The following ARHGAP26 variants were observed in gnomAD, a reference collection of about 807,000 sequenced individuals.
The protein encoded by ARHGAP26 is Rho GTPase activating protein 26.
ARHGAP26 carries 38 observed loss-of-function variants against 104.8 expected under a neutral mutation model. The ratio of observed to expected loss-of-function variants is 0.36; its 90% CI spans 0.28 to 0.48. ARHGAP26 has a LOEUF of 0.48. Ranked by LOEUF, ARHGAP26 falls within the 20% of genes least tolerant of loss-of-function variation. The pLI is 0.99. For missense variants in ARHGAP26, 704 were observed against 947.9 expected, an observed-to-expected ratio of 0.74 and a Z score of 3.38; for synonymous variants, 341 against 340.0, an observed-to-expected ratio of 1.00 and a Z score of -0.03.
chr5:142,881,242 GTCA>G (rs1756957248), intron 4 of ARHGAP26, among the ~76,000 whole-genome samples: 1 of 152,172 alleles, frequency 6.6e-6, no homozygotes, highest in Non-Finnish European at 1.5e-5. Flanking sequence ...TGTTTGTTGA[GTCA>G]TCTTTTCAGT....
intron 11 of ARHGAP26, among the ~76,000 whole-genome samples, chr5:142,977,734 A>G (rs1773329815): frequency 6.6e-6 from 1 of 152,222 alleles, no homozygotes; most frequent in South Asian, 2.1e-4. Context: ...AACATTTCAC[A>G]CTGCCTCCCC....
At chr5:142,987,703 G>A (rs1171069381) in intron 11 of ARHGAP26, among the ~76,000 whole-genome samples, 2 of 152,164 alleles carry the variant, frequency 1.3e-5, no homozygotes, top group East Asian at 3.8e-4. Context: ...TTTTTAGCAT[G>A]AAGAGCTGTT....
At chr5:142,856,814 A>G (rs1752434071) in intron 1 of ARHGAP26, among the ~76,000 whole-genome samples, 1 of 152,226 alleles carries the variant, frequency 6.6e-6, no homozygotes, top group African/African-American at 2.4e-5. Context: ...GCCATTTTAT[A>G]TCAGATACTT....
chr5:142,919,193 C>T, intron 10 of ARHGAP26: 3 of 398,428 alleles, frequency 7.5e-6, no homozygotes, highest in Non-Finnish European at 1.3e-5. Flanking sequence ...GCGATATTAC[C>T]ATTGTCCTTG....
chr5:142,841,060 A>G (rs773224079), intron 1 of ARHGAP26, among the ~76,000 whole-genome samples: 42 of 152,192 alleles, frequency 2.8e-4, no homozygotes, highest in African/African-American at 8.9e-4. Context: ...ATGTCTCACC[A>G]TTTAAGGATA....
intron 1 of ARHGAP26, among the ~76,000 whole-genome samples, chr5:142,872,730 CG>C (rs2152354599): frequency 6.6e-6 from 1 of 152,192 alleles, no homozygotes; most frequent in African/African-American, 2.4e-5. Flanking sequence ...AAAATGTTGC[CG>C]GGGCTTTGTT....
At chr5:142,999,117 C>A (rs1447304558) in intron 11 of ARHGAP26, among the ~76,000 whole-genome samples, 1 of 152,168 alleles carries the variant, frequency 6.6e-6, no homozygotes, top group Non-Finnish European at 1.5e-5. Flanking sequence ...TTCAGGCCCC[C>A]CTTTTGATGC....
At chr5:143,005,909 C>G (rs546979998) in intron 11 of ARHGAP26, among the ~76,000 whole-genome samples, 2 of 152,246 alleles carry the variant, frequency 1.3e-5, no homozygotes, top group South Asian at 2.1e-4. Context: ...TGAGATGCCT[C>G]TGATTGTGTA....
Position 142,770,644 on chromosome 5 carries a change from C to G in ARHGAP26, c.-118C>G, listed in dbSNP as rs1467222026. The G allele has an allele frequency of 2.7e-6, 2 of 738,514 alleles. No homozygotes were observed. Among genetic ancestry groups the G allele is most frequent in the African/African-American group, 1.9e-5 (1 of 52,598 alleles). The allele number at this position is 738,514 out of a possible 1,614,324, so 45.7% of individuals were successfully genotyped here. A position where few individuals can be genotyped will look rare whatever the true frequency, so the allele number is the denominator to read the frequency against. ...CGCGCGGAGTGAGCCAGCGCCACAC[C>G]TGTGGAGCCGGCGGCCGTCGGGGGA... On this transcript the variant is annotated 5_prime_UTR_variant, in exon 1 of 23. Coordinates refer to ENST00000645722, the MANE Select transcript of ARHGAP26 (RefSeq NM_001135608.3).
chr5:143,115,118 AG>A, intron 17 of ARHGAP26, among the ~76,000 whole-genome samples: 1 of 152,218 alleles, frequency 6.6e-6, no homozygotes, highest in Middle Eastern at 3.4e-3. Context: ...GGATCACCTG[AG>A]GTCAGGAGTT....
At chr5:142,915,046 T>C (rs1212426778) in intron 10 of ARHGAP26, among the ~76,000 whole-genome samples, 1 of 152,184 alleles carries the variant, frequency 6.6e-6, no homozygotes, top group Non-Finnish European at 1.5e-5. Context: ...TGAAGCTGAA[T>C]TATTTTTGTG....
rs79274557 is a variant in ARHGAP26 at position 142,897,148 on chromosome 5, A to G, written c.597+2800A>G. Among the ~76,000 whole-genome samples, 434 of 152,306 alleles carry G rather than the reference A, an allele frequency of 2.8e-3. 9 individuals are homozygous for G. The East Asian group carries it at 0.049, about 17-fold the overall frequency. On this transcript the variant is annotated intron_variant, in intron 6 of 22. Coordinates refer to ENST00000645722, the MANE Select transcript of ARHGAP26 (RefSeq NM_001135608.3). ...TAGTAGAGAGCTAGTCAAGATAGCA[A>G]GCAGTTCAGTGACAGCTTGGACAGG...
In ARHGAP26 at chr5:143,207,072, C is replaced by T. The variant is rs1808678897; in HGVS notation, c.1989-126C>T. ...GGAATGTGACATGGCCCTGACAGCA[C>T]ATCCCTGGGTTTCGGTGCTCCTCTG... is the stretch of plus-strand genomic sequence containing the variant. On this transcript the variant is annotated intron_variant, in intron 20 of 22. Coordinates refer to ENST00000645722, the MANE Select transcript of ARHGAP26 (RefSeq NM_001135608.3). 4 of 1,128,154 alleles carry T rather than the reference C, an allele frequency of 3.5e-6. No individual in the cohort carries two copies. The African/African-American group carries it at 4.7e-5, about 13-fold the overall frequency. 69.9% of individuals were successfully genotyped at this position (1,128,154 alleles called of 1,614,324 possible).
intron 1 of ARHGAP26, among the ~76,000 whole-genome samples, chr5:142,779,486 A>G (rs191978468): frequency 1.3e-5 from 2 of 152,084 alleles, no homozygotes; most frequent in Admixed American, 6.5e-5. Flanking sequence ...GGGTTTGTGA[A>G]TTCCACACCA....
rs70991793 is a variant in ARHGAP26 at position 143,106,466 on chromosome 5, CTTTTTT to C, written c.1539-14503_1539-14498del. Among the ~76,000 whole-genome samples the C allele has an allele frequency of 1.8e-4, 14 of 77,292 alleles. No homozygotes were observed. The South Asian group carries it at 1.9e-3, about 10-fold the overall frequency. The allele number at this position is 77,292 out of a possible 152,430, so 50.7% of individuals were successfully genotyped here. ...CTCCTTTGGAATACAATGCATTGGG[CTTTTTT>C]TTTTTTTTTTTTTTTTTTGAGGTGA... On this transcript the variant is annotated intron_variant, in intron 17 of 22. Coordinates refer to ENST00000645722, the MANE Select transcript of ARHGAP26 (RefSeq NM_001135608.3).
At chr5:143,180,338 A>C (rs540835555) in intron 20 of ARHGAP26, among the ~76,000 whole-genome samples, 2 of 152,118 alleles carry the variant, frequency 1.3e-5, no homozygotes, top group East Asian at 3.9e-4. Context: ...GTTGGCCAGG[A>C]TGGTCTCGAT....
At chr5:143,183,822 C>T (rs568776197) in intron 20 of ARHGAP26, among the ~76,000 whole-genome samples, 1 of 152,292 alleles carries the variant, frequency 6.6e-6, no homozygotes, top group African/African-American at 2.4e-5. Flanking sequence ...CTGTCTCTGT[C>T]GTGCTCCTAA....
chr5:143,012,586 G>T (rs1229306971), intron 11 of ARHGAP26, among the ~76,000 whole-genome samples: 1 of 22,108 alleles, frequency 4.5e-5, no homozygotes, highest in East Asian at 7.0e-4. Context: ...TTATGATCAG[G>T]TTCACCTTAT....
intron 4 of ARHGAP26, among the ~76,000 whole-genome samples, chr5:142,884,765 A>C (rs1212771254): frequency 3.3e-5 from 5 of 152,218 alleles, no homozygotes; most frequent in Non-Finnish European, 7.3e-5. Flanking sequence ...GTTTTGAATT[A>C]TTCCTCAGCT....
Sources: gnomAD v4.1 joint callset for allele counts (sites outside exome capture counted in the v4.1 genomes callset) on GRCh38, gnomAD v4.1.1 for gene constraint, MANE v1.5 for transcripts, NCBI Gene and HGNC (gene_info 2026-07-23, HGNC 2026-07-21) for gene names.